The following DRC8 variants were observed in gnomAD, a reference collection of about 807,000 sequenced individuals.
DRC8 encodes the protein dynein regulatory complex subunit 8.
the DRC8 span, chr1:245,087,115 A>G: frequency 7.4e-7 from 1 of 1,346,918 alleles, no homozygotes; most frequent in South Asian, 1.4e-5. Context: ...TCCTGGCTCT[A>G]CAGCTCCAGG....
chr1:245,015,634 C>T, the DRC8 span: 3 of 174,714 alleles, frequency 1.7e-5, no homozygotes, highest in Admixed American at 1.2e-4. Flanking sequence ...CGCTTGAACC[C>T]GGGAGGTGGA....
the DRC8 span, among the ~76,000 whole-genome samples, chr1:244,997,976 C>T: frequency 6.6e-6 from 1 of 152,188 alleles, no homozygotes; most frequent in Non-Finnish European, 1.5e-5. Flanking sequence ...ATCTCTTCCA[C>T]TATCATTCTG....
chr1:245,030,690 G>C, the DRC8 span: 40 of 152,338 alleles, frequency 2.6e-4, no homozygotes, highest in African/African-American at 8.2e-4. Flanking sequence ...ATTTGATCCT[G>C]CTGTGTGTCT....
chr1:244,977,648 ACT>A, the DRC8 span, among the ~76,000 whole-genome samples: 3,337 of 152,008 alleles, frequency 0.022, 141 homozygotes, highest in African/African-American at 0.077. Flanking sequence ...TGCCTGTTAA[ACT>A]CTCTATTTCT....
the DRC8 span, among the ~76,000 whole-genome samples, chr1:245,023,782 A>G: frequency 1.3e-5 from 2 of 152,122 alleles, no homozygotes; most frequent in Non-Finnish European, 2.9e-5. Context: ...GTTGTAGGAT[A>G]TGTGTTTATT....
chr1:244,970,140 A>C, the DRC8 span: 1 of 682,570 alleles, frequency 1.5e-6, no homozygotes, highest in South Asian at 1.6e-5. Flanking sequence ...GCCCGGGACA[A>C]GTCCGGCTCC....
the DRC8 span, chr1:245,002,043 A>AT: frequency 8.3e-7 from 1 of 1,199,500 alleles, no homozygotes; most frequent in South Asian, 1.3e-5. Context: ...GGGATGATTT[A>AT]TTTTTTCATC....
the DRC8 span, among the ~76,000 whole-genome samples, chr1:245,098,955 A>T: frequency 2.0e-5 from 3 of 152,226 alleles, no homozygotes; most frequent in African/African-American, 7.2e-5. Context: ...ATTTTAAACT[A>T]TCAGAAAAGA....
chr1:244,990,496 G>T, the DRC8 span, among the ~76,000 whole-genome samples: 1 of 152,150 alleles, frequency 6.6e-6, no homozygotes, highest in South Asian at 2.1e-4. Context: ...ATTCCTGTCA[G>T]TATGGACACA....
the DRC8 span, among the ~76,000 whole-genome samples, chr1:245,105,919 T>A: frequency 1.3e-5 from 2 of 151,948 alleles, no homozygotes; most frequent in South Asian, 2.1e-4. Flanking sequence ...TCTACAAAAA[T>A]TTTTAAAAAA....
At chr1:245,084,869 A>C in the DRC8 span, among the ~76,000 whole-genome samples, 1 of 152,244 alleles carries the variant, frequency 6.6e-6, no homozygotes, top group East Asian at 1.9e-4. Context: ...CAGAATGGCA[A>C]GGCCGTCACA....
At chr1:244,983,074 A>T in the DRC8 span, among the ~76,000 whole-genome samples, 2 of 152,180 alleles carry the variant, frequency 1.3e-5, no homozygotes, top group East Asian at 3.8e-4. Flanking sequence ...AAAAAAAAGA[A>T]GAAAATCATC....
At chr1:245,109,117 G>A in the DRC8 span, among the ~76,000 whole-genome samples, 1 of 152,184 alleles carries the variant, frequency 6.6e-6, no homozygotes, top group African/African-American at 2.4e-5. Flanking sequence ...GGCAACTCTA[G>A]GAGTCTCGTA....
At chr1:245,090,018 T>C in the DRC8 span, among the ~76,000 whole-genome samples, 1 of 152,088 alleles carries the variant, frequency 6.6e-6, no homozygotes, top group Non-Finnish European at 1.5e-5. Context: ...AAAGAGCCCA[T>C]GTAAGGATTT....
the DRC8 span, among the ~76,000 whole-genome samples, chr1:245,011,563 G>C: frequency 1.3e-5 from 2 of 152,142 alleles, no homozygotes; most frequent in Admixed American, 6.6e-5. Context: ...TGAAATGCCT[G>C]GGACCTCCAA....
At chr1:245,089,740 G>A in the DRC8 span, among the ~76,000 whole-genome samples, 4 of 152,246 alleles carry the variant, frequency 2.6e-5, no homozygotes, top group East Asian at 3.9e-4. This position sits in a 1 kb window ranked among gnomAD's most constrained non-coding sequence, Gnocchi z 4.8. Context: ...AGGAGGAAAC[G>A]GACAACAGGC....
chr1:245,062,122 A>G, the DRC8 span, among the ~76,000 whole-genome samples: 8 of 152,246 alleles, frequency 5.3e-5, no homozygotes, highest in South Asian at 1.0e-3. Flanking sequence ...ACGAACAAAC[A>G]AAAAATAGTC....
At chr1:245,016,131 G>A in the DRC8 span, among the ~76,000 whole-genome samples, 5 of 151,812 alleles carry the variant, frequency 3.3e-5, no homozygotes, top group African/African-American at 7.3e-5. Flanking sequence ...ACAGTTATGC[G>A]CCACCATGCC....
At chr1:245,007,062 G>A in the DRC8 span, among the ~76,000 whole-genome samples, 4 of 152,296 alleles carry the variant, frequency 2.6e-5, no homozygotes, top group African/African-American at 9.6e-5. Flanking sequence ...CTGTGATCAG[G>A]GAATCAGTAG....
Sources: gnomAD v4.1 joint callset for allele counts (sites outside exome capture counted in the v4.1 genomes callset) on GRCh38, gnomAD v4.1.1 for gene constraint, Gnocchi (gnomAD v3.1) non-coding constraint, MANE v1.5 for transcripts, NCBI Gene and HGNC (gene_info 2026-07-23, HGNC 2026-07-21) for gene names.